Variants in HACE1 observed in about 807,000 individuals in gnomAD.
HACE1 encodes HECT domain and ankyrin repeat containing E3 ubiquitin protein ligase 1, also known as E3 ubiquitin-protein ligase HACE1.
In HACE1, 73 loss-of-function variants were observed where a neutral mutation model predicts 118.4. The ratio of observed to expected loss-of-function variants is 0.62; its 90% CI spans 0.51 to 0.75. The LOEUF (loss-of-function observed/expected upper bound fraction) is 0.75. Ranked by LOEUF, HACE1 falls within the 30% of genes least tolerant of loss-of-function variation. The pLI is 0.00. For synonymous variants in HACE1, 368 were observed against 374.8 expected (o/e 0.98, Z 0.21); for missense variants, 749 against 1,102.2 (o/e 0.68, Z 4.54).
intron 18 of HACE1, among the ~76,000 whole-genome samples, chr6:104,771,698 A>T (rs2034823): frequency 0.55 from 77,472 of 141,516 alleles, 22,649 homozygotes; most frequent in African/African-American, 0.78. Context: ...ATACACACAC[A>T]AAAATTGAAA....
At position 104,777,051 on chromosome 6, in the gene HACE1, G is replaced by A; in HGVS notation, c.1738C>T (p.Gln580Ter). 6.2e-7 allele frequency: 1 copy of A among 1,612,568 alleles called. No homozygotes were observed. Among genetic ancestry groups the A allele is most frequent in the Non-Finnish European group, 8.5e-7 (1 of 1,178,916 alleles). Residue 580 changes from glutamine to a stop codon, truncating the protein, a stop_gained, in exon 16 of 24, where the codon CAA (glutamine) becomes TAA (stop). Transcript: ENST00000262903. LOFTEE classifies it high-confidence loss of function. ...CCATGGAACCGTACAGCAATCCCTTGCTTTAGCTTTGCACAATTTGCTTTT... is the reference window on the plus strand; with the variant it reads ...CCATGGAACCGTACAGCAATCCCTTACTTTAGCTTTGCACAATTTGCTTTT... The part of the protein sequence containing the change: ...VSKANCAKLK[Q>*]GIAVRFHGEE...
At chr6:104,840,306 C>CA (rs974730429) in intron 5 of HACE1, among the ~76,000 whole-genome samples, 6 of 151,952 alleles carry the variant, frequency 3.9e-5, no homozygotes, top group Non-Finnish European at 7.4e-5. Flanking sequence ...TTCGTGTACT[C>CA]AAAAAAATAA....
chr6:104,808,088 A>G (rs1771213751), intron 7 of HACE1, among the ~76,000 whole-genome samples: 1 of 152,120 alleles, frequency 6.6e-6, no homozygotes, highest in Non-Finnish European at 1.5e-5. Context: ...CGGGAGGCAG[A>G]GGCAGGAGAA....
At chr6:104,804,905 A>G (rs1770821113) in intron 7 of HACE1, among the ~76,000 whole-genome samples, 1 of 152,224 alleles carries the variant, frequency 6.6e-6, no homozygotes, top group Non-Finnish European at 1.5e-5. Flanking sequence ...AGAAACTACC[A>G]TCAGAGTGAA....
intron 22 of HACE1, among the ~76,000 whole-genome samples, chr6:104,738,250 A>G (rs1039009121): frequency 2.6e-5 from 4 of 152,356 alleles, no homozygotes; most frequent in Middle Eastern, 3.4e-3. Context: ...AAACTCTAAA[A>G]AGCAGAGTGC....
At chr6:104,779,760 C>G (rs1393596618) in intron 14 of HACE1, among the ~76,000 whole-genome samples, 1 of 152,036 alleles carries the variant, frequency 6.6e-6, no homozygotes, top group East Asian at 1.9e-4. Context: ...TATTAATCCT[C>G]ACAGAACTTT....
intron 18 of HACE1, 35 bp from the exon 19 acceptor site, chr6:104,771,424 G>A (rs1159399549): frequency 1.4e-6 from 2 of 1,414,760 alleles, no homozygotes; most frequent in Non-Finnish European, 2.0e-6. Context: ...TTATAGTCTG[G>A]TTTTGCCTTC....
intron 1 of HACE1, among the ~76,000 whole-genome samples, chr6:104,856,715 G>C (rs976043591): frequency 6.6e-6 from 1 of 152,158 alleles, no homozygotes; most frequent in Non-Finnish European, 1.5e-5. Flanking sequence ...GATTACAGGT[G>C]TGAGCCACTG....
intron 14 of HACE1, among the ~76,000 whole-genome samples, chr6:104,779,367 A>G (rs1781513404): frequency 6.6e-6 from 1 of 152,216 alleles, no homozygotes; most frequent in African/African-American, 2.4e-5. Context: ...ATCACTTGTT[A>G]TTAATTCTTA....
rs796550108 is a variant in HACE1 at position 104,756,421 on chromosome 6, AAAAAAAT to A, written c.2212-5956_2212-5950del. Among the ~76,000 whole-genome samples the A allele has an allele frequency of 1.9e-3, 242 of 128,166 alleles. 2 individuals are homozygous for A. The East Asian group carries it at 0.037, about 20-fold the overall frequency. 84.1% of individuals were successfully genotyped at this position (128,166 alleles called of 152,430 possible). ...AGCCAGATTCCATCTCAAAAAAAAA[AAAAAAAT>A]ATATATATATATATATATACACACA... On this transcript the variant is annotated intron_variant, in intron 19 of 23. Transcript: ENST00000262903.
chr6:104,842,074 G>A (rs1451563090), intron 5 of HACE1, among the ~76,000 whole-genome samples: 1 of 152,220 alleles, frequency 6.6e-6, no homozygotes, highest in Non-Finnish European at 1.5e-5. Flanking sequence ...GGATGCAGAA[G>A]TGAAAGGATT....
At position 104,780,299 on chromosome 6, in the gene HACE1, C is replaced by T. The variant is rs544899725; in HGVS notation, c.1567-2982G>A. ...CAGATCAAACACACACACACACATA[C>T]AAACACCTACACAGCCAAATGGTAC... On this transcript the variant is annotated intron_variant, in intron 14 of 23. Coordinates refer to ENST00000262903, the MANE Select transcript of HACE1 (RefSeq NM_020771.4). 2.8e-5 allele frequency: 12 copies of T among 430,372 alleles called. No homozygotes were observed. The Admixed American group carries it at 3.3e-4, about 12-fold the overall frequency. 26.7% of individuals were successfully genotyped at this position (430,372 alleles called of 1,614,324 possible).
chr6:104,750,255 A>G, intron 20 of HACE1, 86 bp downstream of exon 20: 1 of 1,124,524 alleles, frequency 8.9e-7, no homozygotes, highest in Admixed American at 1.9e-5. Flanking sequence ...TTCATTCATC[A>G]TAATACTCCA....
chr6:104,756,236 C>T (rs1056111477), intron 19 of HACE1, among the ~76,000 whole-genome samples: 6 of 151,556 alleles, frequency 4.0e-5, no homozygotes, highest in South Asian at 4.2e-4. Context: ...CATGGTGAAA[C>T]GTCATCTTTA....
chr6:104,803,013 A>T (rs1462553595), intron 7 of HACE1, among the ~76,000 whole-genome samples: 1 of 152,224 alleles, frequency 6.6e-6, no homozygotes, highest in African/African-American at 2.4e-5. Flanking sequence ...CAGACACAAT[A>T]AGAAGTGATA....
chr6:104,740,090 G>A (rs1371523878), intron 22 of HACE1, among the ~76,000 whole-genome samples: 1 of 151,290 alleles, frequency 6.6e-6, no homozygotes, highest in Non-Finnish European at 1.5e-5. Flanking sequence ...TGAAATGAAG[G>A]CAGAAATAAA....
In HACE1 at chr6:104,811,355, G is replaced by T; in HGVS notation, c.573C>A (p.Asn191Lys). ...GAGTTGCTCCTGATACATTTGGCCTGTTAATATCAGCACCACTGTCTAGCA... is the reference window on the plus strand; with the variant it reads ...GAGTTGCTCCTGATACATTTGGCCTTTTAATATCAGCACCACTGTCTAGCA... ...QCLLDSGADI[N>K]RPNVSGATPL... Residue 191 changes from asparagine (N) to lysine (K), a missense_variant, in exon 7 of 24, where the codon AAC (asparagine) becomes AAA (lysine). This residue lies in a region of HACE1 where 267 missense variants were observed against 312.2 expected (regional missense o/e 0.86). Coordinates refer to ENST00000262903, the MANE Select transcript of HACE1 (RefSeq NM_020771.4). 1 of 1,553,700 alleles carries T rather than the reference G, an allele frequency of 6.4e-7. No individual in the cohort carries two copies. The highest frequency in any genetic ancestry group is 8.9e-7 in the Non-Finnish European group (1 of 1,127,330).
chr6:104,759,730 A>G (rs1054263253), intron 19 of HACE1, among the ~76,000 whole-genome samples: 4 of 152,344 alleles, frequency 2.6e-5, no homozygotes, highest in Non-Finnish European at 2.9e-5. Flanking sequence ...AGGAACATGA[A>G]AAACCCTTCA....
At chr6:104,734,159 A>AG (rs1038055229) in intron 22 of HACE1, among the ~76,000 whole-genome samples, 10 of 151,620 alleles carry the variant, frequency 6.6e-5, no homozygotes, top group African/African-American at 2.2e-4. Flanking sequence ...AAAAAAAAAA[A>AG]AAAGAAATCA....
Sources: gnomAD v4.1 joint callset for allele counts (sites outside exome capture counted in the v4.1 genomes callset) on GRCh38, gnomAD v4.1.1 for gene constraint, gnomAD v4.1.1 regional missense constraint, MANE v1.5 for transcripts, NCBI Gene and HGNC (gene_info 2026-07-23, HGNC 2026-07-21) for gene names.